ARMC2: variants seen among roughly 807,000 people sequenced by gnomAD.
ARMC2 encodes armadillo repeat containing 2, also known as armadillo repeat-containing protein 2.
In ARMC2, 67 loss-of-function variants were observed where a neutral mutation model predicts 90.3. The ratio of observed to expected loss-of-function variants is 0.74; its 90% CI spans 0.61 to 0.91. The LOEUF (loss-of-function observed/expected upper bound fraction) is 0.91, where lower values mean the gene tolerates loss of function less well. Among genes scored for constraint, ARMC2 ranks in the 40% least tolerant of loss-of-function variants. ARMC2 has a pLI of 0.00. For synonymous variants in ARMC2, 393 were observed against 393.0 expected, an observed-to-expected ratio of 1.00 and a Z score of 0.00; for missense variants, 920 against 1,030.9, an observed-to-expected ratio of 0.89 and a Z score of 1.47.
intron 8 of ARMC2, among the ~76,000 whole-genome samples, chr6:108,906,651 T>C (rs918288265): frequency 6.6e-6 from 1 of 152,064 alleles, no homozygotes; most frequent in African/African-American, 2.4e-5. Flanking sequence ...CTGGCTAATT[T>C]TTAAAAAATG....
chr6:108,915,110 G>A (rs981601934), intron 10 of ARMC2, among the ~76,000 whole-genome samples: 3 of 151,792 alleles, frequency 2.0e-5, no homozygotes, highest in Admixed American at 6.6e-5. Flanking sequence ...CCGCCACCAC[G>A]CCTGGCTAAT....
At position 108,912,324 on chromosome 6, in the gene ARMC2, C is replaced by G. The variant is rs1378696187; in HGVS notation, c.1127-11C>G. ...TACTCAGACATTTATAATAATTAATCTTTTTGACAGAATCATTATTGGAGG... is the reference window on the plus strand; with the variant it reads ...TACTCAGACATTTATAATAATTAATGTTTTTGACAGAATCATTATTGGAGG... On this transcript the variant is annotated splice_polypyrimidine_tract_variant and intron_variant, in intron 9 of 17. Coordinates refer to ENST00000392644, the MANE Select transcript of ARMC2 (RefSeq NM_032131.6). 6.4e-7 allele frequency: 1 copy of G among 1,569,528 alleles called. No individual in the cohort carries two copies. Among genetic ancestry groups the G allele is most frequent in the South Asian group, 1.2e-5 (1 of 85,550 alleles).
chr6:109,039,815 G>A, the ARMC2 span, among the ~76,000 whole-genome samples: 1 of 152,212 alleles, frequency 6.6e-6, no homozygotes, highest in African/African-American at 2.4e-5. Flanking sequence ...CTTAACTAGA[G>A]TCTTGTTCAT....
chr6:108,985,346 T>C, the ARMC2 span, among the ~76,000 whole-genome samples: 1 of 152,164 alleles, frequency 6.6e-6, no homozygotes, highest in Non-Finnish European at 1.5e-5. Context: ...CTCATGATTA[T>C]TTTAGAAGAA....
the ARMC2 span, chr6:108,998,499 C>G: frequency 6.2e-7 from 1 of 1,613,032 alleles, no homozygotes; most frequent in Non-Finnish European, 8.5e-7. Context: ...AATCTCATGA[C>G]AAATAATACT....
chr6:108,924,504 A>T (rs1057425435), intron 10 of ARMC2, among the ~76,000 whole-genome samples: 1 of 152,062 alleles, frequency 6.6e-6, no homozygotes, highest in Non-Finnish European at 1.5e-5. Flanking sequence ...AAAAAGAAAA[A>T]AATGAGCAGG....
the ARMC2 span, chr6:109,001,628 C>G: frequency 5.6e-6 from 4 of 713,332 alleles, no homozygotes; most frequent in African/African-American, 7.2e-5. Flanking sequence ...AATTTAAACT[C>G]AACTGGTTGA....
At chr6:108,904,990 ACT>A (rs1169196609) in intron 8 of ARMC2, among the ~76,000 whole-genome samples, 1 of 152,106 alleles carries the variant, frequency 6.6e-6, no homozygotes. Context: ...GTCTGTAGAA[ACT>A]CTGTCTCAAA....
the ARMC2 span, among the ~76,000 whole-genome samples, chr6:109,041,668 A>G: frequency 6.6e-6 from 1 of 152,194 alleles, no homozygotes; most frequent in African/African-American, 2.4e-5. Context: ...ACCCAAATGT[A>G]CATCCACCAA....
At chr6:108,875,154 A>G (rs1776811335) in intron 4 of ARMC2, among the ~76,000 whole-genome samples, 1 of 152,180 alleles carries the variant, frequency 6.6e-6, no homozygotes, top group Non-Finnish European at 1.5e-5. Flanking sequence ...AGCATGGACA[A>G]TAAGCTATTC....
chr6:109,038,472 G>A, the ARMC2 span, among the ~76,000 whole-genome samples: 2 of 144,364 alleles, frequency 1.4e-5, no homozygotes, highest in East Asian at 3.9e-4. Context: ...ACTCCAGCCT[G>A]GGTAAGACAA....
At chr6:108,859,745 C>T (rs1190323468) in intron 3 of ARMC2, among the ~76,000 whole-genome samples, 6 of 152,138 alleles carry the variant, frequency 3.9e-5, no homozygotes, top group African/African-American at 1.2e-4. Flanking sequence ...TGGCTCACGC[C>T]TGTAATCCCA....
chr6:108,868,765 G>A lies in ARMC2; in HGVS notation c.292-59G>A, dbSNP rs901425585. On this transcript the variant is annotated intron_variant, in intron 3 of 17. Transcript: ENST00000392644. ...TGGAAGGGTTGTGGCCAGCTCTGAG[G>A]TAAGTGTTATTTGAGACGCAGAAAG... 3 of 1,534,656 alleles carry A rather than the reference G, an allele frequency of 2.0e-6. No homozygotes were observed. In the Middle Eastern group the frequency reaches 5.2e-4, roughly 264 times the overall value.
At chr6:109,001,348 G>A in the ARMC2 span, 1 of 1,613,852 alleles carries the variant, frequency 6.2e-7, no homozygotes, top group East Asian at 2.2e-5. Context: ...GCAGTAGATA[G>A]TGCTGAGTTT....
At position 108,953,211 on chromosome 6, in the gene ARMC2, G is replaced by T. The variant is rs200981529; in HGVS notation, c.1775G>T (p.Arg592Met). The T allele has an allele frequency of 6.2e-7, 1 of 1,614,006 alleles. No individual in the cohort carries two copies. Among genetic ancestry groups the T allele is most frequent in the Admixed American group, 1.7e-5 (1 of 60,032 alleles). The change falls in exon 13 of 18, where the codon AGG becomes ATG. Residue 592 changes from arginine to methionine, a missense_variant. Physicochemically the swap from Arg to Met is moderately conservative, Grantham distance 91. Transcript: ENST00000392644. ...KPVGQRGEQH[R>M]AQRPPSEAED... Reference sequence around the variant, plus strand: ...GTGGGCCAACGAGGCGAGCAGCACAGGGCGCAGAGGCCGCCGTCAGAGGCA... The same window carrying T: ...GTGGGCCAACGAGGCGAGCAGCACATGGCGCAGAGGCCGCCGTCAGAGGCA...
At chr6:108,875,421 C>T (rs922737129) in intron 4 of ARMC2, among the ~76,000 whole-genome samples, 4 of 152,220 alleles carry the variant, frequency 2.6e-5, no homozygotes, top group Admixed American at 2.6e-4. Flanking sequence ...TTGAGCACCC[C>T]AGGCACAGTG....
At chr6:108,945,224 G>C (rs986155499) in intron 12 of ARMC2, among the ~76,000 whole-genome samples, 1 of 152,120 alleles carries the variant, frequency 6.6e-6, no homozygotes, top group African/African-American at 2.4e-5. Flanking sequence ...GGGAGGCAGA[G>C]CCTGCCTCAG....
At chr6:108,904,523 G>GA (rs1029281428) in intron 8 of ARMC2, 118 bp downstream of exon 8, 5 of 1,038,766 alleles carry the variant, frequency 4.8e-6, no homozygotes, top group Non-Finnish European at 6.5e-6. Context: ...TAGAATCTTG[G>GA]AAAAAAATTA....
chr6:108,984,224 T>C, the ARMC2 span, among the ~76,000 whole-genome samples: 3 of 152,134 alleles, frequency 2.0e-5, no homozygotes, highest in South Asian at 6.2e-4. Flanking sequence ...GCCAAAAAGG[T>C]TGGGGACTGC....
Sources: allele counts gnomAD v4.1 joint callset (sites outside exome capture counted in the v4.1 genomes callset), GRCh38; gene constraint gnomAD v4.1.1; transcripts MANE v1.5; gene names NCBI Gene and HGNC (gene_info 2026-07-23, HGNC 2026-07-21).